The following SLC24A3 variants were observed in gnomAD, a reference collection of about 807,000 sequenced individuals.
SLC24A3 encodes the protein sodium/potassium/calcium exchanger 3.
In SLC24A3, 28 loss-of-function variants were observed where a neutral mutation model predicts 75.8. The observed-to-expected ratio is 0.37, with a 90% confidence interval of 0.27 to 0.51. The LOEUF is 0.51. Among genes scored for constraint, SLC24A3 ranks in the 20% least tolerant of loss-of-function variants. The probability of loss-of-function intolerance (pLI) is 0.94; values close to 1 mark genes in which losing one functional copy is unlikely to be tolerated. For synonymous variants in SLC24A3, 372 were observed against 334.1 expected (o/e 1.11, Z -1.24); for missense variants, 663 against 847.8 (o/e 0.78, Z 2.71).
At chr20:19,374,900 C>A (rs778269283) in intron 2 of SLC24A3, among the ~76,000 whole-genome samples, 3 of 152,176 alleles carry the variant, frequency 2.0e-5, no homozygotes, top group Non-Finnish European at 2.9e-5. Context: ...TGGAGCCACC[C>A]ATAGCCGATG....
chr20:19,465,115 T>A (rs1987742042), intron 2 of SLC24A3, among the ~76,000 whole-genome samples: 1 of 152,200 alleles, frequency 6.6e-6, no homozygotes, highest in Non-Finnish European at 1.5e-5. Context: ...GGCCAGTGGC[T>A]ACCACACTGG....
intron 2 of SLC24A3, among the ~76,000 whole-genome samples, chr20:19,338,032 A>G (rs1985177200): frequency 1.3e-5 from 2 of 152,206 alleles, no homozygotes. Context: ...GAAAAATCCA[A>G]TTGCAAAGGG....
intron 2 of SLC24A3, among the ~76,000 whole-genome samples, chr20:19,294,462 G>A (rs2122238970): frequency 6.6e-6 from 1 of 152,166 alleles, no homozygotes; most frequent in South Asian, 2.1e-4. Context: ...GCCCCAGTGT[G>A]TGTTGTTCCC....
chr20:19,483,969 T>A (rs1988093919), intron 2 of SLC24A3, among the ~76,000 whole-genome samples: 1 of 152,164 alleles, frequency 6.6e-6, no homozygotes, highest in Non-Finnish European at 1.5e-5. Flanking sequence ...CAATTCCACT[T>A]TGAGATACGT....
intron 6 of SLC24A3, among the ~76,000 whole-genome samples, chr20:19,644,454 A>G (rs943822845): frequency 2.6e-5 from 4 of 151,950 alleles, no homozygotes; most frequent in African/African-American, 9.7e-5. Context: ...TGCTGATACC[A>G]CTGTCCCCGT....
At chr20:19,560,847 A>G (rs958980264) in intron 3 of SLC24A3, among the ~76,000 whole-genome samples, 1 of 152,204 alleles carries the variant, frequency 6.6e-6, no homozygotes, top group Non-Finnish European at 1.5e-5. Flanking sequence ...AGAAAGGGTA[A>G]TTCTTTGTCA....
chr20:19,511,196 CCAAA>C (rs1174728779), intron 2 of SLC24A3, among the ~76,000 whole-genome samples: 2 of 152,198 alleles, frequency 1.3e-5, no homozygotes, highest in Non-Finnish European at 2.9e-5. Context: ...GGATCACCTC[CCAAA>C]CAAACAGCTG....
intron 9 of SLC24A3, among the ~76,000 whole-genome samples, chr20:19,678,617 G>A (rs8121483): frequency 2.0e-4 from 28 of 141,594 alleles, no homozygotes; most frequent in Non-Finnish European, 3.5e-4. Flanking sequence ...CCTCCCGGAC[G>A]GGGCGGCTGG....
At chr20:19,580,169 C>A in intron 4 of SLC24A3, 95 bp downstream of exon 4, 1 of 1,037,696 alleles carries the variant, frequency 9.6e-7, no homozygotes, top group Non-Finnish European at 1.4e-6. Flanking sequence ...TCCTGGGGAG[C>A]CCTCGCAGGG....
chr20:19,549,677 A>G (rs1203951555), intron 3 of SLC24A3, among the ~76,000 whole-genome samples: 1 of 152,142 alleles, frequency 6.6e-6, no homozygotes, highest in African/African-American at 2.4e-5. Flanking sequence ...CCAGCTACTC[A>G]GGAGGCTGAG....
At chr20:19,507,401 C>T (rs560053404) in intron 2 of SLC24A3, among the ~76,000 whole-genome samples, 1 of 152,280 alleles carries the variant, frequency 6.6e-6, no homozygotes, top group Admixed American at 6.5e-5. Context: ...GCAAACAGCC[C>T]CCGAAGATCA....
chr20:19,415,629 T>C (rs1258187224), intron 2 of SLC24A3, among the ~76,000 whole-genome samples: 1 of 151,704 alleles, frequency 6.6e-6, no homozygotes, highest in African/African-American at 2.4e-5. Flanking sequence ...GTATCAGTTA[T>C]ACCTCAATAA....
intron 3 of SLC24A3, among the ~76,000 whole-genome samples, chr20:19,561,228 CT>C (rs1405537002): frequency 6.6e-6 from 1 of 152,204 alleles, no homozygotes; most frequent in Non-Finnish European, 1.5e-5. Context: ...ATGGCTCTGT[CT>C]TCTCCACTGG....
chr20:19,279,367 C>T (rs1365869280), intron 1 of SLC24A3, among the ~76,000 whole-genome samples: 1 of 152,206 alleles, frequency 6.6e-6, no homozygotes, highest in African/African-American at 2.4e-5. Flanking sequence ...TGCCAAGCCC[C>T]TGGGAAGAGC....
intron 6 of SLC24A3, among the ~76,000 whole-genome samples, chr20:19,588,710 G>C (rs914718118): frequency 2.0e-5 from 3 of 152,218 alleles, no homozygotes; most frequent in South Asian, 2.1e-4. Context: ...CCGAGCTCTT[G>C]ATGCAACATA....
chr20:19,380,456 T>A (rs988478917), intron 2 of SLC24A3, among the ~76,000 whole-genome samples: 2 of 152,172 alleles, frequency 1.3e-5, no homozygotes, highest in African/African-American at 4.8e-5. Flanking sequence ...GGATTTACAT[T>A]TGGAAGATGC....
At chr20:19,324,007 A>G (rs774861883) in intron 2 of SLC24A3, among the ~76,000 whole-genome samples, 15 of 152,194 alleles carry the variant, frequency 9.9e-5, no homozygotes, top group Non-Finnish European at 1.9e-4. Context: ...TGATTGGTAC[A>G]TGAGATCACA....
At chr20:19,502,536 T>C (rs1988399352) in intron 2 of SLC24A3, among the ~76,000 whole-genome samples, 2 of 152,028 alleles carry the variant, frequency 1.3e-5, no homozygotes, top group Non-Finnish European at 2.9e-5. Context: ...AAAACAGGCC[T>C]AAAATTACCA....
At chr20:19,327,207 C>A (rs919491233) in intron 2 of SLC24A3, among the ~76,000 whole-genome samples, 3 of 152,158 alleles carry the variant, frequency 2.0e-5, no homozygotes, top group Non-Finnish European at 2.9e-5. Context: ...TTGAGCTTGT[C>A]CAGCTATTGA....
Sources: gnomAD v4.1 joint callset for allele counts (sites outside exome capture counted in the v4.1 genomes callset) on GRCh38, gnomAD v4.1.1 for gene constraint, MANE v1.5 for transcripts, NCBI Gene and HGNC (gene_info 2026-07-23, HGNC 2026-07-21) for gene names.